CASZ1: variants seen among roughly 807,000 people sequenced by gnomAD.
The protein encoded by CASZ1 is castor zinc finger 1.
In CASZ1, 28 loss-of-function variants were observed where a neutral mutation model predicts 135.2. That is an observed-to-expected ratio of 0.21 (90% CI 0.15 to 0.28). CASZ1 has a LOEUF of 0.28. CASZ1 is among the 10% of genes least tolerant of loss of function. CASZ1 has a pLI of 1.00. For synonymous variants in CASZ1, 1,068 were observed against 1,073.4 expected (o/e 0.99, Z 0.10); for missense variants, 2,161 against 2,453.3 (o/e 0.88, Z 2.52).
intron 2 of CASZ1, among the ~76,000 whole-genome samples, chr1:10,733,185 G>T (rs1032842255): frequency 6.6e-6 from 1 of 152,182 alleles, no homozygotes; most frequent in African/African-American, 2.4e-5. Flanking sequence ...CCTCCAGCAC[G>T]GGGGACTAGA....
chr1:10,671,132 G>A (rs537548983), intron 4 of CASZ1, among the ~76,000 whole-genome samples: 39 of 152,272 alleles, frequency 2.6e-4, no homozygotes, highest in South Asian at 6.2e-4. Flanking sequence ...ATCCAGACGC[G>A]TCTAAGTGGC....
Position 10,760,801 on chromosome 1 carries a change from C to G in CASZ1, c.-177G>C, listed in dbSNP as rs1004403790. On this transcript the variant is annotated 5_prime_UTR_variant, in exon 2 of 21. Transcript: ENST00000377022. ...AAGGAGGGGTCGATGGCCGTGGCAG[C>G]TGGGAGGGCAGGTGGGATGGAGGAG... is the stretch of plus-strand genomic sequence containing the variant. 1 of 152,278 alleles carries G rather than the reference C, an allele frequency of 6.6e-6. No homozygotes were observed. Among genetic ancestry groups the G allele is most frequent in the Non-Finnish European group, 1.5e-5 (1 of 68,070 alleles). The allele number at this position is 152,278 out of a possible 1,614,324, so 9.4% of individuals were successfully genotyped here.
rs1641020360 is a variant in CASZ1 at position 10,794,241 on chromosome 1, A to G, written c.-234+2323T>C. On this transcript the variant is annotated intron_variant, in intron 1 of 20. Transcript: ENST00000377022. This position sits in a 1 kb window ranked among gnomAD's most constrained non-coding sequence, Gnocchi z 5.6. ...GTGGGTTGGGCGGGGGGACACCAAG[A>G]TTATCCGGCGATCTGTTTTCCAGTC... Among the ~76,000 whole-genome samples the G allele has an allele frequency of 6.6e-6, 1 of 151,802 alleles. No homozygotes were observed. The highest frequency in any genetic ancestry group is 2.4e-5 in the African/African-American group (1 of 41,310).
Position 10,653,664 on chromosome 1 carries a change from G to C in CASZ1, c.2393C>G (p.Pro798Arg), listed in dbSNP as rs757645291. The C allele has an allele frequency of 1.3e-5, 21 of 1,557,108 alleles. No homozygotes were observed. The African/African-American group carries it at 2.7e-4, about 20-fold the overall frequency. ...AGCCAGTATGGGGAAGTAGGGCGTG[G>C]GGGTGGGCAGGCCCGAGTTGGAGAG... is the stretch of plus-strand genomic sequence containing the variant. ...LALSNSGLPT[P>R]TPYFPILAGR... Residue 798 changes from proline (P) to arginine (R), a missense_variant, in exon 11 of 21, where the codon CCC becomes CGC. By Grantham distance (103) the Pro-to-Arg change is moderately radical. This residue lies in a region of CASZ1 where 406 missense variants were observed against 387.6 expected (regional missense o/e 1.05). Coordinates refer to ENST00000377022, the MANE Select transcript of CASZ1 (RefSeq NM_001079843.3).
chr1:10,777,934 AT>A lies in CASZ1; in HGVS notation c.-233-17078del, dbSNP rs972948682. ...ACAGGCACACACAGTCTTCCACACC[AT>A]TTCACACTATGTCACAACCACATAC... On this transcript the variant is annotated intron_variant, in intron 1 of 20. Transcript: ENST00000377022. This position sits in a 1 kb window ranked among gnomAD's most constrained non-coding sequence, Gnocchi z 4.4. 7.3e-5 allele frequency among the ~76,000 whole-genome samples: 11 copies of A among 151,712 alleles called. No homozygotes were observed. In the South Asian group the frequency reaches 1.3e-3, roughly 17 times the overall value.
chr1:10,713,286 G>A (rs1407074773), intron 2 of CASZ1, among the ~76,000 whole-genome samples: 1 of 152,152 alleles, frequency 6.6e-6, no homozygotes, highest in Non-Finnish European at 1.5e-5. Context: ...AGGCCAGTGG[G>A]GCTGTTATTT....
chr1:10,687,460 G>A (rs1214572280), intron 4 of CASZ1, among the ~76,000 whole-genome samples: 2 of 152,256 alleles, frequency 1.3e-5, no homozygotes, highest in African/African-American at 4.8e-5. Flanking sequence ...TCTAAGAGCA[G>A]ATGCCCCGGC....
intron 2 of CASZ1, among the ~76,000 whole-genome samples, chr1:10,713,835 A>G (rs1639329876): frequency 6.6e-6 from 1 of 152,220 alleles, no homozygotes. Flanking sequence ...CTGTGCCAGA[A>G]AACTCTGCAA....
At chr1:10,672,732 C>T (rs997093329) in intron 4 of CASZ1, among the ~76,000 whole-genome samples, 7 of 152,176 alleles carry the variant, frequency 4.6e-5, no homozygotes, top group East Asian at 1.9e-4. Flanking sequence ...TCGGCAGCTG[C>T]GCTGGGGAAA....
At chr1:10,659,616 A>G in intron 6 of CASZ1, 86 bp downstream of exon 6, 1 of 1,094,414 alleles carries the variant, frequency 9.1e-7, no homozygotes, top group Non-Finnish European at 1.4e-6. Flanking sequence ...GTGTGTCCTC[A>G]AGCACGGGCA....
chr1:10,640,672 CCAAGGGCTGGG>C (rs1642174498), intron 20 of CASZ1, among the ~76,000 whole-genome samples: 2 of 152,178 alleles, frequency 1.3e-5, no homozygotes, highest in Non-Finnish European at 1.5e-5. Flanking sequence ...GTTTTCTACC[CCAAGGGCTGGG>C]AGAGGGCAGC....
chr1:10,650,664 C>T (rs779584360), intron 13 of CASZ1, 28 bp downstream of exon 13: 30 of 1,590,772 alleles, frequency 1.9e-5, no homozygotes, highest in Non-Finnish European at 2.2e-5. Context: ...GGTGGGGGAA[C>T]GGGAGGCGTG....
At chr1:10,682,517 G>A (rs1193296260) in intron 4 of CASZ1, among the ~76,000 whole-genome samples, 1 of 152,110 alleles carries the variant, frequency 6.6e-6, no homozygotes, top group Admixed American at 6.5e-5. Context: ...AAGAGGGAGC[G>A]AGGTCTATTA....
intron 2 of CASZ1, among the ~76,000 whole-genome samples, chr1:10,731,499 C>A (rs566313430): frequency 1.1e-4 from 16 of 152,124 alleles, no homozygotes; most frequent in Non-Finnish European, 2.2e-4. Context: ...GTGGGAGAAT[C>A]CTTTGACCTG....
At position 10,659,763 on chromosome 1, in the gene CASZ1, A is replaced by G. The variant is rs1398822094; in HGVS notation, c.1279T>C (p.Tyr427His). ...GTTTTGGAGAAGGTTGACTTCAGGT[A>G]CTCGGGAGTGTTGAAGGACAGGGAG... ...PASLSFNTPE[Y>H]LKSTFSKTDS... Residue 427 changes from tyrosine to histidine, a missense_variant, in exon 6 of 21, where the codon TAC (tyrosine) becomes CAC (histidine). By Grantham distance (83) the Tyr-to-His change is moderately conservative (BLOSUM62 2). Around this residue, in one of 7 missense-constraint regions of CASZ1, gnomAD observed 590 missense variants for 609.8 expected, o/e 0.97. Coordinates refer to ENST00000377022, the MANE Select transcript of CASZ1 (RefSeq NM_001079843.3). 1 of 1,613,662 alleles carries G rather than the reference A, an allele frequency of 6.2e-7. No individual in the cohort carries two copies.
Position 10,777,970 on chromosome 1 carries a change from C to T in CASZ1, c.-233-17113G>A, listed in dbSNP as rs946716599. Among the ~76,000 whole-genome samples, 20 of 151,990 alleles carry T rather than the reference C, an allele frequency of 1.3e-4. No individual in the cohort carries two copies. The highest frequency in any genetic ancestry group is 1.9e-4 in the East Asian group (1 of 5,196). ...TGTCACAACCACATACAATCTCATA[C>T]GCAATCGCATACACAATCTCATACA... On this transcript the variant is annotated intron_variant, in intron 1 of 20. Coordinates refer to ENST00000377022, the MANE Select transcript of CASZ1 (RefSeq NM_001079843.3). The surrounding 1 kb of genome is among the most constrained non-coding windows in gnomAD (Gnocchi z 4.4).
chr1:10,733,944 A>G (rs1025593466), intron 2 of CASZ1, among the ~76,000 whole-genome samples: 1 of 152,238 alleles, frequency 6.6e-6, no homozygotes, highest in African/African-American at 2.4e-5. Flanking sequence ...CATACTAAGC[A>G]GTGAATAAAT....
intron 4 of CASZ1, among the ~76,000 whole-genome samples, chr1:10,677,818 C>G (rs1638271698): frequency 6.6e-6 from 1 of 152,354 alleles, no homozygotes; most frequent in East Asian, 1.9e-4. Flanking sequence ...ACAAAGGCCC[C>G]CTGCTGCGGA....
intron 2 of CASZ1, among the ~76,000 whole-genome samples, chr1:10,710,398 A>G (rs1639262990): frequency 2.0e-5 from 3 of 152,134 alleles, no homozygotes; most frequent in Non-Finnish European, 4.4e-5. Flanking sequence ...CCTTAGGAGG[A>G]AGCAACGCCT....
Sources: allele counts gnomAD v4.1 joint callset (sites outside exome capture counted in the v4.1 genomes callset), GRCh38; gene constraint gnomAD v4.1.1; regional missense constraint gnomAD v4.1.1; non-coding constraint Gnocchi (gnomAD v3.1); transcripts MANE v1.5; gene names NCBI Gene and HGNC (gene_info 2026-07-23, HGNC 2026-07-21).